The following TBC1D8 variants were observed in gnomAD, a reference collection of about 807,000 sequenced individuals.
TBC1D8 encodes the protein TBC1 domain family member 8, also known as BUB2-like protein 1.
TBC1D8 carries 65 observed loss-of-function variants against 118.8 expected under a neutral mutation model. That is an observed-to-expected ratio of 0.55 (90% confidence interval 0.45 to 0.67). The LOEUF is 0.67. Ranked by LOEUF, TBC1D8 falls within the 30% of genes least tolerant of loss-of-function variation. TBC1D8 has a pLI of 0.00. For synonymous variants in TBC1D8, 566 were observed against 595.8 expected, an observed-to-expected ratio of 0.95 and a Z score of 0.73; for missense variants, 1,376 against 1,471.2, an observed-to-expected ratio of 0.94 and a Z score of 1.06.
chr2:101,032,370 T>C lies in TBC1D8; in HGVS notation c.1834A>G (p.Thr612Ala), dbSNP rs1343572220. The change falls in exon 11 of 20, where the codon ACC (threonine) becomes GCC (alanine). Residue 612 changes from threonine to alanine, a missense_variant. Thr to Ala is a moderately conservative substitution (Grantham distance 58). Coordinates refer to ENST00000409318, the MANE Select transcript of TBC1D8 (RefSeq NM_001330348.2). ...IGYCQSMNIL[T>A]SVLLLYTKEE... ...TTGGTGTACAGCAGCAGCACGGAGG[T>C]CAGGATGTTCATGGACTGCTCGGGG... 3.7e-6 allele frequency: 6 copies of C among 1,613,106 alleles called. No individual in the cohort carries two copies. Among genetic ancestry groups the C allele is most frequent in the Non-Finnish European group, 5.1e-6 (6 of 1,179,588 alleles).
chr2:101,139,589 C>G (rs1008259597), intron 1 of TBC1D8, among the ~76,000 whole-genome samples: 2 of 152,192 alleles, frequency 1.3e-5, no homozygotes, highest in Admixed American at 1.3e-4. Context: ...GCCCATGCCT[C>G]AGTCCCCTCT....
chr2:101,017,985 T>G, intron 17 of TBC1D8: 96 of 1,505,042 alleles, frequency 6.4e-5, no homozygotes, highest in Non-Finnish European at 8.2e-5. Context: ...TTCGAACGGT[T>G]CCAATGCTCG....
At position 101,061,320 on chromosome 2, in the gene TBC1D8, G is replaced by A. The variant is rs556852153; in HGVS notation, c.284-1781C>T. ...CCACACAAGAAGGTGCCAGGGGACC[G>A]GCTCTGGACTTGTGGCTGCTTTGGA... is the stretch of plus-strand genomic sequence containing the variant. On this transcript the variant is annotated intron_variant, in intron 2 of 19. Coordinates refer to ENST00000409318, the MANE Select transcript of TBC1D8 (RefSeq NM_001330348.2). Among the ~76,000 whole-genome samples, 32 of 152,108 alleles carry A rather than the reference G, an allele frequency of 2.1e-4. No individual in the cohort carries two copies. In the South Asian group the frequency reaches 5.6e-3, roughly 27 times the overall value.
chr2:101,118,891 G>C (rs1161001789), intron 1 of TBC1D8, among the ~76,000 whole-genome samples: 2 of 151,912 alleles, frequency 1.3e-5, no homozygotes, highest in African/African-American at 4.8e-5. Context: ...ACAGCCTATG[G>C]TCCCAGCTAC....
chr2:101,061,241 C>T (rs1050238061), intron 2 of TBC1D8, among the ~76,000 whole-genome samples: 19 of 144,972 alleles, frequency 1.3e-4, no homozygotes, highest in Non-Finnish European at 3.0e-5. Context: ...AGTCATCTTT[C>T]TCTCTGCATG....
intron 17 of TBC1D8, chr2:101,018,167 C>T (rs1679792654): frequency 2.3e-6 from 1 of 432,830 alleles, no homozygotes; most frequent in East Asian, 3.6e-5. Flanking sequence ...TATTGCTGTA[C>T]TAATCTATAA....
At position 101,011,335 on chromosome 2, in the gene TBC1D8, C is replaced by T. The variant is rs77380413; in HGVS notation, c.2917+116G>A. On this transcript the variant is annotated intron_variant, in intron 18 of 19. Coordinates refer to ENST00000409318, the MANE Select transcript of TBC1D8 (RefSeq NM_001330348.2). ...AAAGGCAGTGAGTTTGGGGATAATTCATTGGACGAAGGGAAAAGACAAGGC... is the reference window on the plus strand; with the variant it reads ...AAAGGCAGTGAGTTTGGGGATAATTTATTGGACGAAGGGAAAAGACAAGGC... 1.6e-3 allele frequency: 1,742 copies of T among 1,084,482 alleles called. 22 individuals are homozygous for T. In the East Asian group the frequency reaches 0.029, roughly 18 times the overall value. The allele number at this position is 1,084,482 out of a possible 1,614,324, so 67.2% of individuals were successfully genotyped here.
At chr2:101,149,138 T>A (rs1318723871) in intron 1 of TBC1D8, among the ~76,000 whole-genome samples, 2 of 152,212 alleles carry the variant, frequency 1.3e-5, no homozygotes, top group Non-Finnish European at 2.9e-5. Flanking sequence ...GACTTTTCCC[T>A]CTTTATGGTC....
At chr2:101,147,564 C>T (rs1309984500) in intron 1 of TBC1D8, among the ~76,000 whole-genome samples, 1 of 152,130 alleles carries the variant, frequency 6.6e-6, no homozygotes, top group African/African-American at 2.4e-5. Flanking sequence ...TGCGGTATTT[C>T]CTTGTGGTTT....
intron 17 of TBC1D8, among the ~76,000 whole-genome samples, chr2:101,012,978 C>G (rs888590669): frequency 6.6e-6 from 1 of 152,150 alleles, no homozygotes; most frequent in Admixed American, 6.5e-5. Flanking sequence ...CTGGGGCAGT[C>G]AGGATGGAAA....
intron 15 of TBC1D8, among the ~76,000 whole-genome samples, 180 bp from the exon 16 acceptor site, chr2:101,022,701 T>C (rs777255271): frequency 4.0e-4 from 61 of 152,244 alleles, no homozygotes; most frequent in Non-Finnish European, 7.9e-4. Flanking sequence ...ACGTTGGTTT[T>C]TTTATTAAGG....
At position 101,032,257 on chromosome 2, in the gene TBC1D8, G is replaced by A. The variant is rs759173012; in HGVS notation, c.1936+11C>T. The A allele has an allele frequency of 1.2e-5, 19 of 1,611,038 alleles. No individual in the cohort carries two copies. The highest frequency in any genetic ancestry group is 1.6e-4 in the Middle Eastern group (1 of 6,080). ...CCCAGATACACAGGAGGAGGAAGGG[G>A]GTCTGTTTACCGATCACTCGGTGGT... On this transcript the variant is annotated intron_variant, in intron 11 of 19. Transcript: ENST00000409318.
chr2:101,055,263 C>T (rs1253877371), intron 3 of TBC1D8, among the ~76,000 whole-genome samples: 1 of 151,792 alleles, frequency 6.6e-6, no homozygotes, highest in Non-Finnish European at 1.5e-5. Context: ...TGGTGGTGCA[C>T]CTGCAATCCC....
At chr2:101,114,723 A>C (rs1677744100) in intron 1 of TBC1D8, among the ~76,000 whole-genome samples, 1 of 152,246 alleles carries the variant, frequency 6.6e-6, no homozygotes, top group Admixed American at 6.5e-5. Context: ...TTTTAGAAAG[A>C]AGCACACAGT....
chr2:101,145,845 G>C (rs895416513), intron 1 of TBC1D8, among the ~76,000 whole-genome samples: 3 of 152,142 alleles, frequency 2.0e-5, no homozygotes, highest in Non-Finnish European at 1.5e-5. Context: ...CTTAACCCAA[G>C]CTGTTGTTTA....
chr2:101,101,015 G>A (rs1241000319), intron 1 of TBC1D8, among the ~76,000 whole-genome samples: 1 of 152,066 alleles, frequency 6.6e-6, no homozygotes, highest in African/African-American at 2.4e-5. Flanking sequence ...AACACCAAAA[G>A]CAACTGCAAC....
chr2:101,021,957 C>T (rs2011782429), intron 16 of TBC1D8, among the ~76,000 whole-genome samples: 1 of 152,130 alleles, frequency 6.6e-6, no homozygotes, highest in African/African-American at 2.4e-5. Flanking sequence ...TGTTGTCTGG[C>T]CTCATACCTT....
At chr2:101,033,797 C>T in intron 9 of TBC1D8, 39 bp from the exon 10 acceptor site, 1 of 1,588,078 alleles carries the variant, frequency 6.3e-7, no homozygotes, top group East Asian at 2.2e-5. Context: ...GGAATGATTA[C>T]TAGGATGGTG....
chr2:101,075,412 T>C lies in TBC1D8; in HGVS notation c.283+14797A>G, dbSNP rs117711984. On this transcript the variant is annotated intron_variant, in intron 2 of 19. Coordinates refer to ENST00000409318, the MANE Select transcript of TBC1D8 (RefSeq NM_001330348.2). ...TCTCAAAAAAAAAAAAAAAATGTCATAGAAGTCACAGGAAGGGTGATCTAG... is the reference window on the plus strand; with the variant it reads ...TCTCAAAAAAAAAAAAAAAATGTCACAGAAGTCACAGGAAGGGTGATCTAG... Among the ~76,000 whole-genome samples the C allele has an allele frequency of 2.1e-3, 304 of 146,672 alleles. 6 individuals are homozygous for C. In the East Asian group the frequency reaches 0.022, roughly 11 times the overall value.
Sources: gnomAD v4.1 joint callset for allele counts (sites outside exome capture counted in the v4.1 genomes callset) on GRCh38, gnomAD v4.1.1 for gene constraint, MANE v1.5 for transcripts, NCBI Gene and HGNC (gene_info 2026-07-23, HGNC 2026-07-21) for gene names.